SLC27A1: variants seen among roughly 807,000 people sequenced by gnomAD.
SLC27A1 encodes the protein long-chain fatty acid transport protein 1.
Under a neutral mutation model 62.2 loss-of-function variants are expected in SLC27A1, and 61 were observed. That is an observed-to-expected ratio of 0.98 (90% CI 0.80 to 1.21). SLC27A1 has a LOEUF of 1.21. Ranked by LOEUF, SLC27A1 falls within the 50% of genes most tolerant of loss-of-function variation. The probability of loss-of-function intolerance (pLI) is 0.00; values close to 1 mark genes in which losing one functional copy is unlikely to be tolerated. For synonymous variants in SLC27A1, 435 were observed against 408.6 expected (o/e 1.06, Z -0.78); for missense variants, 903 against 932.1 (o/e 0.97, Z 0.41).
At chr19:17,476,322 G>C (rs2075121698) in intron 1 of SLC27A1, among the ~76,000 whole-genome samples, 1 of 152,096 alleles carries the variant, frequency 6.6e-6, no homozygotes, top group South Asian at 2.1e-4. Context: ...GATCACCTGA[G>C]GTCAGGAGTT....
chr19:17,483,703 C>T (rs753597068), intron 1 of SLC27A1, among the ~76,000 whole-genome samples: 6 of 152,250 alleles, frequency 3.9e-5, no homozygotes, highest in South Asian at 2.1e-4. Context: ...CTCATGGAGC[C>T]GGCCCCTGCC....
intron 1 of SLC27A1, among the ~76,000 whole-genome samples, chr19:17,483,125 T>C (rs553302840): frequency 1.3e-5 from 2 of 151,724 alleles, no homozygotes; most frequent in South Asian, 4.2e-4. Context: ...AGGGAATGAA[T>C]GAACAAAGGA....
intron 6 of SLC27A1, among the ~76,000 whole-genome samples, chr19:17,489,496 A>G (rs1179979543): frequency 3.8e-5 from 2 of 52,862 alleles, no homozygotes; most frequent in Admixed American, 1.4e-4. Flanking sequence ...CAATCCTATA[A>G]CTTTGGAGGG....
At chr19:17,489,604 T>C (rs1304298100) in intron 6 of SLC27A1, among the ~76,000 whole-genome samples, 1 of 152,150 alleles carries the variant, frequency 6.6e-6, no homozygotes, top group Non-Finnish European at 1.5e-5. Context: ...TCCCCATGCC[T>C]TGTGCCCTGT....
At chr19:17,470,751 G>C (rs1412476177) in intron 1 of SLC27A1, 44 bp downstream of exon 1, 1 of 1,513,524 alleles carries the variant, frequency 6.6e-7, no homozygotes, top group African/African-American at 1.4e-5. Flanking sequence ...GCGGGGCTGA[G>C]GGCTCTGGGG....
rs768613243 is a variant in SLC27A1 at position 17,497,304 on chromosome 19, T to A, written c.1046T>A (p.Val349Glu). ...EICRYLLKQP[V>E]REAERRHRVR... ...TGCCGCTACCTGCTGAAGCAGCCGG[T>A]GCGCGAGGCGGAGAGGCGACACCGC... The change falls in exon 7 of 12, where the codon GTG becomes GAG. Residue 349 changes from valine (V) to glutamate (E), a missense_variant. Coordinates refer to ENST00000252595, the MANE Select transcript of SLC27A1 (RefSeq NM_198580.3). 1 of 1,606,028 alleles carries A rather than the reference T, an allele frequency of 6.2e-7. No individual in the cohort carries two copies. Among genetic ancestry groups the A allele is most frequent in the Admixed American group, 1.7e-5 (1 of 57,842 alleles).
chr19:17,471,417 G>A (rs1242653707), intron 1 of SLC27A1, among the ~76,000 whole-genome samples: 1 of 151,968 alleles, frequency 6.6e-6, no homozygotes, highest in African/African-American at 2.4e-5. Context: ...TGGAGACTGG[G>A]ACACTGGATT....
At position 17,506,085 on chromosome 19, in the gene SLC27A1, G is replaced by C. The variant is rs2075477559; in HGVS notation, c.*1473G>C. 1 of 152,258 alleles carries C rather than the reference G, an allele frequency of 6.6e-6. No individual in the cohort carries two copies. The highest frequency in any genetic ancestry group is 2.4e-5 in the African/African-American group (1 of 41,462). The allele number at this position is 152,258 out of a possible 1,614,324, so 9.4% of individuals were successfully genotyped here. ...CTGGAGTGGTGGGGCCATGGCAAGA[G>C]ACACCGTGGCGTCTCATGTGAACTT... On this transcript the variant is annotated 3_prime_UTR_variant, in exon 12 of 12. Transcript: ENST00000252595.
At chr19:17,480,418 T>C (rs1455568733) in intron 1 of SLC27A1, among the ~76,000 whole-genome samples, 1 of 151,808 alleles carries the variant, frequency 6.6e-6, no homozygotes, top group Non-Finnish European at 1.5e-5. Context: ...TCACCCAGGC[T>C]CAATTGCAGT....
chr19:17,495,913 A>C (rs1256164741), intron 6 of SLC27A1: 3 of 152,574 alleles, frequency 2.0e-5, no homozygotes. Context: ...GATGCCTCTC[A>C]GTGACGTTTG....
intron 11 of SLC27A1, among the ~76,000 whole-genome samples, chr19:17,501,802 C>CAA (rs71162147): frequency 0.025 from 1,655 of 65,960 alleles, 64 homozygotes; most frequent in African/African-American, 0.075. Flanking sequence ...TACTCTGTCT[C>CAA]AAAAAAAAAA....
At position 17,500,676 on chromosome 19, in the gene SLC27A1, G is replaced by C. The variant is rs771621306; in HGVS notation, c.1472-36G>C. The C allele has an allele frequency of 2.5e-6, 4 of 1,614,008 alleles. No individual in the cohort carries two copies. The East Asian group carries it at 8.9e-5, about 36-fold the overall frequency. On this transcript the variant is annotated intron_variant, in intron 9 of 11. Coordinates refer to ENST00000252595, the MANE Select transcript of SLC27A1 (RefSeq NM_198580.3). ...CCCGGTGACTGGCTGTGCGGATGGG[G>C]ATCCTCCACCCATCTGCCCCTCTCC... is the stretch of plus-strand genomic sequence containing the variant.
At chr19:17,502,504 A>G (rs1425389306) in intron 11 of SLC27A1, among the ~76,000 whole-genome samples, 1 of 151,198 alleles carries the variant, frequency 6.6e-6, no homozygotes, top group Non-Finnish European at 1.5e-5. Flanking sequence ...GGTGTGCACC[A>G]CCATGCCCAG....
At chr19:17,474,570 C>A (rs1248922973) in intron 1 of SLC27A1, among the ~76,000 whole-genome samples, 1 of 151,784 alleles carries the variant, frequency 6.6e-6, no homozygotes, top group Non-Finnish European at 1.5e-5. Context: ...GTCTCCTGCT[C>A]TTCCCACTTG....
At chr19:17,502,344 G>GT (rs1231886797) in intron 11 of SLC27A1, among the ~76,000 whole-genome samples, 118 of 15,710 alleles carry the variant, frequency 7.5e-3, no homozygotes, top group Middle Eastern at 0.029. Flanking sequence ...TGTTTTTTTT[G>GT]TTTTTTTTTT....
chr19:17,497,661 CAGAT>C, intron 7 of SLC27A1, 197 bp downstream of exon 7: 1 of 636,884 alleles, frequency 1.6e-6, no homozygotes, highest in East Asian at 3.0e-5. Flanking sequence ...GCAGCCTGCA[CAGAT>C]AGTCATGTGA....
intron 6 of SLC27A1, 100 bp downstream of exon 6, chr19:17,489,217 C>G (rs772961735): frequency 1.1e-6 from 1 of 927,520 alleles, no homozygotes; most frequent in Non-Finnish European, 1.7e-6. Context: ...CCCCGTACCT[C>G]CCAGCAAAGC....
intron 1 of SLC27A1, among the ~76,000 whole-genome samples, chr19:17,479,793 A>G (rs2075158258): frequency 6.6e-6 from 1 of 151,934 alleles, no homozygotes; most frequent in South Asian, 2.1e-4. Context: ...ACAGGGACCC[A>G]CCACCACGCA....
At position 17,470,545 on chromosome 19, in the gene SLC27A1, G is replaced by C. The variant is rs1343145967; in HGVS notation, c.5G>C (p.Arg2Pro). The C allele has an allele frequency of 2.6e-6, 4 of 1,555,154 alleles. No homozygotes were observed. Among genetic ancestry groups the C allele is most frequent in the Non-Finnish European group, 3.4e-6 (4 of 1,159,894 alleles). The part of the protein sequence containing the change: M[R>P]APGAGAASVV... ...AGCTCTCTCTGCTTCCCCAGGATGC[G>C]GGCTCCGGGTGCGGGCGCGGCCTCG... is the stretch of plus-strand genomic sequence containing the variant. The change falls in exon 1 of 12, where the codon CGG becomes CCG. Residue 2 changes from arginine to proline, a missense_variant. Transcript: ENST00000252595.
Sources: gnomAD v4.1 joint callset for allele counts (sites outside exome capture counted in the v4.1 genomes callset) on GRCh38, gnomAD v4.1.1 for gene constraint, MANE v1.5 for transcripts, NCBI Gene and HGNC (gene_info 2026-07-23, HGNC 2026-07-21) for gene names.